CHN2: variants seen among roughly 807,000 people sequenced by gnomAD.
The protein encoded by CHN2 is chimerin 2, also known as beta-chimaerin.
CHN2 carries 35 observed loss-of-function variants against 56.3 expected under a neutral mutation model. The ratio of observed to expected loss-of-function variants is 0.62; its 90% CI spans 0.47 to 0.82. The LOEUF is 0.82. CHN2 is among the 40% of genes least tolerant of loss of function. The pLI is 0.00. For synonymous variants in CHN2, 210 were observed against 212.8 expected, an observed-to-expected ratio of 0.99 and a Z score of 0.12; for missense variants, 491 against 580.5, an observed-to-expected ratio of 0.85 and a Z score of 1.58.
intron 6 of CHN2, among the ~76,000 whole-genome samples, chr7:29,473,643 C>T (rs1487001073): frequency 6.6e-6 from 1 of 151,850 alleles, no homozygotes; most frequent in Admixed American, 6.6e-5. Context: ...CTGGCCTGAT[C>T]TCATACTGAC....
chr7:29,193,667 A>C (rs1484590373), upstream of CHN2: 2 of 152,224 alleles, frequency 1.3e-5, no homozygotes, highest in Non-Finnish European at 2.9e-5. Flanking sequence ...TTTAGGTTTA[A>C]ATACAGGGGG....
upstream of CHN2, chr7:29,193,010 C>A (rs1783093105): frequency 6.6e-6 from 1 of 152,180 alleles, no homozygotes; most frequent in African/African-American, 2.4e-5. Flanking sequence ...CCTGAAGGCT[C>A]CAGATTAGGA....
At chr7:29,201,839 C>T (rs112233059) in intron 1 of CHN2, among the ~76,000 whole-genome samples, 1 of 152,272 alleles carries the variant, frequency 6.6e-6, no homozygotes, top group African/African-American at 2.4e-5. Flanking sequence ...GCTCCCATTG[C>T]TGTGTGTGCT....
At chr7:29,426,461 T>C (rs1396052967) in intron 6 of CHN2, among the ~76,000 whole-genome samples, 1 of 152,222 alleles carries the variant, frequency 6.6e-6, no homozygotes, top group Non-Finnish European at 1.5e-5. Context: ...TTTAGGGTTA[T>C]TTGCCATTAG....
intron 1 of CHN2, among the ~76,000 whole-genome samples, chr7:29,205,632 C>G (rs1337297850): frequency 2.0e-5 from 3 of 152,094 alleles, no homozygotes; most frequent in African/African-American, 4.8e-5. Context: ...TCCTAAATAC[C>G]TTACCTTGCT....
intron 3 of CHN2, among the ~76,000 whole-genome samples, chr7:29,381,512 T>C (rs973283639): frequency 1.3e-5 from 2 of 151,902 alleles, no homozygotes; most frequent in Non-Finnish European, 2.9e-5. Flanking sequence ...GATAGAGGAG[T>C]GCCACTCATG....
intron 6 of CHN2, among the ~76,000 whole-genome samples, chr7:29,416,659 G>A (rs181677386): frequency 4.0e-4 from 61 of 152,282 alleles, no homozygotes; most frequent in Admixed American, 3.3e-3. Flanking sequence ...GTTTGAAACC[G>A]CTGGCCCGGG....
chr7:29,420,257 A>G (rs1015797750), intron 6 of CHN2, among the ~76,000 whole-genome samples: 3 of 152,186 alleles, frequency 2.0e-5, no homozygotes, highest in African/African-American at 4.8e-5. Context: ...TGATCTAACA[A>G]TTCCACTTCT....
chr7:29,408,277 G>A (rs1167385358), intron 6 of CHN2, among the ~76,000 whole-genome samples: 1 of 152,120 alleles, frequency 6.6e-6, no homozygotes, highest in Admixed American at 6.6e-5. Context: ...AGTCTTCACT[G>A]GTGAAAGGCA....
At chr7:29,162,713 G>C (rs575684701) in intron 2 of CHN2, among the ~76,000 whole-genome samples, 1 of 150,448 alleles carries the variant, frequency 6.6e-6, no homozygotes, top group Non-Finnish European at 1.5e-5. Flanking sequence ...AGCCAGTCTC[G>C]AAGGATTACA....
chr7:29,278,696 T>C (rs1330087296), intron 1 of CHN2, among the ~76,000 whole-genome samples: 1 of 152,206 alleles, frequency 6.6e-6, no homozygotes, highest in Non-Finnish European at 1.5e-5. Context: ...TGAACTTCTA[T>C]GATGGCCTCT....
At chr7:29,403,710 C>T (rs1802413474) in intron 6 of CHN2, among the ~76,000 whole-genome samples, 1 of 152,046 alleles carries the variant, frequency 6.6e-6, no homozygotes, top group African/African-American at 2.4e-5. Context: ...AATAGTGATC[C>T]GTCTCCCCAC....
At chr7:29,355,045 C>T (rs894636729) in intron 2 of CHN2, among the ~76,000 whole-genome samples, 4 of 151,388 alleles carry the variant, frequency 2.6e-5, no homozygotes, top group Non-Finnish European at 5.9e-5. Flanking sequence ...CTTGGCTCAC[C>T]GCAACCTCCA....
intron 1 of CHN2, among the ~76,000 whole-genome samples, chr7:29,291,226 A>G (rs1416767229): frequency 6.6e-6 from 1 of 152,126 alleles, no homozygotes; most frequent in Non-Finnish European, 1.5e-5. Context: ...CCCAACTTCT[A>G]AGATCTTACT....
intron 3 of CHN2, among the ~76,000 whole-genome samples, chr7:29,370,535 G>C (rs558328341): frequency 6.6e-6 from 1 of 152,068 alleles, no homozygotes; most frequent in Non-Finnish European, 1.5e-5. Context: ...CCTTTTTCTT[G>C]GTCTTCAATC....
At chr7:29,330,679 G>C (rs1052190525) in intron 1 of CHN2, among the ~76,000 whole-genome samples, 1 of 152,130 alleles carries the variant, frequency 6.6e-6, no homozygotes, top group East Asian at 1.9e-4. Flanking sequence ...GTGTGCAGGC[G>C]TATTATATGA....
intron 6 of CHN2, among the ~76,000 whole-genome samples, chr7:29,402,555 G>T (rs1038538614): frequency 6.6e-6 from 1 of 152,200 alleles, no homozygotes; most frequent in Non-Finnish European, 1.5e-5. Context: ...TCCCAGCCAT[G>T]ACAAATCAGA....
intron 1 of CHN2, among the ~76,000 whole-genome samples, chr7:29,243,449 T>G (rs1294785171): frequency 6.6e-6 from 1 of 152,226 alleles, no homozygotes; most frequent in East Asian, 1.9e-4. Context: ...CCAAGGGGAT[T>G]CTATGGGAAG....
intron 1 of CHN2, among the ~76,000 whole-genome samples, chr7:29,214,419 A>G (rs943942549): frequency 1.3e-5 from 2 of 152,292 alleles, no homozygotes; most frequent in South Asian, 4.1e-4. Context: ...TGACTTTTCT[A>G]GGAAACCTCG....
Sources: gnomAD v4.1 joint callset for allele counts (sites outside exome capture counted in the v4.1 genomes callset) on GRCh38, gnomAD v4.1.1 for gene constraint, MANE v1.5 for transcripts, NCBI Gene and HGNC (gene_info 2026-07-23, HGNC 2026-07-21) for gene names.